The following OS9 variants were observed in gnomAD, a reference collection of about 807,000 sequenced individuals.
The protein encoded by OS9 is OS9 endoplasmic reticulum lectin.
In OS9, 58 loss-of-function variants were observed where a neutral mutation model predicts 84.7. The ratio of observed to expected loss-of-function variants is 0.68; its 90% CI spans 0.55 to 0.85. The LOEUF is 0.85. Ranked by LOEUF, OS9 falls within the 40% of genes least tolerant of loss-of-function variation. The pLI is 0.00. For synonymous variants in OS9, 278 were observed against 320.8 expected (o/e 0.87, Z 1.43); for missense variants, 760 against 850.9 (o/e 0.89, Z 1.33).
In OS9 at chr12:57,715,947, T is replaced by C. The variant is rs765694952; in HGVS notation, c.767T>C (p.Met256Thr). The C allele has an allele frequency of 6.2e-7, 1 of 1,612,560 alleles. No individual in the cohort carries two copies. The highest frequency in any genetic ancestry group is 2.2e-5 in the East Asian group (1 of 44,866). ...CCTTCCCTACAGCCTGAGGAGTACA[T>C]GGCCTACGTTCAGAGGCAAGCCGGT... is the stretch of plus-strand genomic sequence containing the variant. ...CHPSLQPEEYMAYVQRQADSK... is the reference protein window; with the variant it reads ...CHPSLQPEEYTAYVQRQADSK... The change falls in exon 6 of 15, where the codon ATG (methionine) becomes ACG (threonine). Residue 256 changes from methionine to threonine, a missense_variant. Met to Thr is a moderately conservative substitution (Grantham distance 81). Coordinates refer to ENST00000315970, the MANE Select transcript of OS9 (RefSeq NM_006812.4).
intron 5 of OS9, among the ~76,000 whole-genome samples, chr12:57,709,868 T>TG (rs1954276996): frequency 6.6e-6 from 1 of 152,146 alleles, no homozygotes; most frequent in Non-Finnish European, 1.5e-5. Context: ...TTACTTTTTT[T>TG]TTGAGACAGA....
intron 5 of OS9, among the ~76,000 whole-genome samples, chr12:57,697,913 ACACACACACAT>A (rs1953902928): frequency 4.0e-5 from 5 of 124,438 alleles, no homozygotes; most frequent in African/African-American, 9.7e-5. Context: ...AAGCAAACAC[ACACACACACAT>A]ACACACACAC....
intron 5 of OS9, among the ~76,000 whole-genome samples, chr12:57,705,069 G>A (rs1027920802): frequency 4.6e-5 from 7 of 152,108 alleles, no homozygotes; most frequent in African/African-American, 1.4e-4. Context: ...AAATATATGT[G>A]CATTTTCTTC....
At chr12:57,719,325 G>T in intron 12 of OS9, 143 bp downstream of exon 12, 2 of 667,894 alleles carry the variant, frequency 3.0e-6, no homozygotes, top group Non-Finnish European at 5.1e-6. Context: ...CCTCACTTGC[G>T]CCTGCTTCCC....
At position 57,720,186 on chromosome 12, in the gene OS9, A is replaced by G; in HGVS notation, c.1688A>G (p.Lys563Arg). 1 of 1,614,188 alleles carries G rather than the reference A, an allele frequency of 6.2e-7. No individual in the cohort carries two copies. Among genetic ancestry groups the G allele is most frequent in the Non-Finnish European group, 8.5e-7 (1 of 1,180,026 alleles). Reference protein sequence around the residue: ...PNQDLTVLEMKRENPQLKQIE... With the variant: ...PNQDLTVLEMRRENPQLKQIE... The stretch of plus-strand genomic sequence containing the variant: ...CAGGATCTGACTGTCCTCGAGATGA[A>G]ACGGGAAAACCCACAGCTGAAACAA... The change falls in exon 13 of 15, where the codon AAA becomes AGA. Residue 563 changes from lysine to arginine, a missense_variant. Coordinates refer to ENST00000315970, the MANE Select transcript of OS9 (RefSeq NM_006812.4).
chr12:57,697,172 C>T (rs1045279104), intron 5 of OS9, among the ~76,000 whole-genome samples: 1 of 152,136 alleles, frequency 6.6e-6, no homozygotes, highest in African/African-American at 2.4e-5. Context: ...GGAGGGAAGC[C>T]CTGATCTGTA....
chr12:57,707,324 G>A (rs889999499), intron 5 of OS9, among the ~76,000 whole-genome samples: 1 of 152,166 alleles, frequency 6.6e-6, no homozygotes, highest in African/African-American at 2.4e-5. Flanking sequence ...AAAGAAAAGA[G>A]GTTTAATTGT....
intron 5 of OS9, among the ~76,000 whole-genome samples, chr12:57,703,982 C>G (rs558477157): frequency 6.6e-6 from 1 of 151,596 alleles, no homozygotes; most frequent in Non-Finnish European, 1.5e-5. Context: ...TGAAGACATT[C>G]CCTCCTATTC....
intron 5 of OS9, among the ~76,000 whole-genome samples, chr12:57,703,931 C>T (rs992664406): frequency 2.0e-5 from 3 of 152,150 alleles, no homozygotes; most frequent in Non-Finnish European, 2.9e-5. Context: ...TTGAGTATGA[C>T]GTTAACTGTG....
chr12:57,703,924 A>G (rs1224768783), intron 5 of OS9, among the ~76,000 whole-genome samples: 4 of 152,324 alleles, frequency 2.6e-5, no homozygotes, highest in East Asian at 3.9e-4. Flanking sequence ...TTCACCATTG[A>G]GTATGACGTT....
In OS9 at chr12:57,720,272, T is replaced by C; in HGVS notation, c.1765+9T>C. On this transcript the variant is annotated intron_variant, in intron 13 of 14. Coordinates refer to ENST00000315970, the MANE Select transcript of OS9 (RefSeq NM_006812.4). ...GGGACTCACAGCTGCAGGTGGGCCCTGGAGGGCGGCTGGACCCAGTGCTGT... is the reference window on the plus strand; with the variant it reads ...GGGACTCACAGCTGCAGGTGGGCCCCGGAGGGCGGCTGGACCCAGTGCTGT... 6.2e-7 allele frequency: 1 copy of C among 1,613,624 alleles called. No homozygotes were observed. The highest frequency in any genetic ancestry group is 1.3e-5 in the African/African-American group (1 of 75,068).
intron 5 of OS9, among the ~76,000 whole-genome samples, chr12:57,707,225 C>T (rs1364645457): frequency 2.0e-5 from 3 of 152,068 alleles, no homozygotes; most frequent in African/African-American, 7.2e-5. Flanking sequence ...TTTGTTTATC[C>T]TCTCTGTTGT....
chr12:57,697,930 C>CGGAACCTAACATAAGCAA lies in OS9; in HGVS notation c.579+1557_579+1558insGGAACCTAACATAAGCAA, dbSNP rs1565767197. On this transcript the variant is annotated intron_variant, in intron 5 of 14. Coordinates refer to ENST00000315970, the MANE Select transcript of OS9 (RefSeq NM_006812.4). ...GCAAACACACACACACACATACACA[C>CGGAACCTAACATAAGCAA]ACACACACACACACACACACACACA... 7.5e-5 allele frequency among the ~76,000 whole-genome samples: 7 copies of CGGAACCTAACATAAGCAA among 92,810 alleles called. 2 individuals carry two copies. The highest frequency in any genetic ancestry group is 1.2e-4 in the Non-Finnish European group (5 of 42,852). The allele number at this position is 92,810 out of a possible 152,430, so 60.9% of individuals were successfully genotyped here.
intron 5 of OS9, among the ~76,000 whole-genome samples, chr12:57,699,347 A>C (rs1231828707): frequency 6.6e-6 from 1 of 152,228 alleles, no homozygotes; most frequent in Non-Finnish European, 1.5e-5. Context: ...ACTGAAGCCA[A>C]GGTATGGATG....
At position 57,716,721 on chromosome 12, in the gene OS9, A is replaced by G. The variant is rs779112463; in HGVS notation, c.1022A>G (p.Asp341Gly). Residue 341 changes from aspartate to glycine, a missense_variant, in exon 9 of 15, where the codon GAT (aspartate) becomes GGT (glycine). Coordinates refer to ENST00000315970, the MANE Select transcript of OS9 (RefSeq NM_006812.4). The stretch of plus-strand genomic sequence containing the variant: ...CAGGACCCAAGCCCTGAGGCAGCAG[A>G]TTCAGCTTCTGGTGCTCCCAATGGT... ...EEQDPSPEAA[D>G]SASGAPNDFQ... The G allele has an allele frequency of 6.2e-7, 1 of 1,614,066 alleles. No individual in the cohort carries two copies. Among genetic ancestry groups the G allele is most frequent in the South Asian group, 1.1e-5 (1 of 91,076 alleles).
Position 57,716,090 on chromosome 12 carries a change from A to G in OS9, c.791-2A>G, listed in dbSNP as rs372621161. The G allele has an allele frequency of 8.7e-6, 14 of 1,612,474 alleles. No individual in the cohort carries two copies. The highest frequency in any genetic ancestry group is 1.2e-5 in the Non-Finnish European group (14 of 1,178,580). Reference sequence around the variant, plus strand: ...GCCTGCTTGCATGCTGTTTCTCAGTAGACTCAAAGCAGTATGGAGATAAAA... The same window carrying G: ...GCCTGCTTGCATGCTGTTTCTCAGTGGACTCAAAGCAGTATGGAGATAAAA... On this transcript the variant is annotated splice_acceptor_variant, in intron 6 of 14. Coordinates refer to ENST00000315970, the MANE Select transcript of OS9 (RefSeq NM_006812.4). LOFTEE classifies it high-confidence loss of function.
At chr12:57,718,547 C>G (rs1676244487) in intron 11 of OS9, 126 bp downstream of exon 11, 1 of 986,386 alleles carries the variant, frequency 1.0e-6, no homozygotes, top group Non-Finnish European at 1.5e-6. Context: ...GAAGTGGTAG[C>G]TGTTTCCCTA....
chr12:57,702,451 GTA>G (rs536940518), intron 5 of OS9, among the ~76,000 whole-genome samples: 263 of 152,256 alleles, frequency 1.7e-3, no homozygotes, highest in African/African-American at 5.8e-3. Context: ...TCCATTGTCT[GTA>G]TATACATTTT....
At chr12:57,720,660 A>T in intron 14 of OS9, 124 bp from the exon 15 acceptor site, 1 of 1,322,088 alleles carries the variant, frequency 7.6e-7, no homozygotes, top group Non-Finnish European at 1.1e-6. Context: ...GAGTGCTGCC[A>T]TGCAGGAAGA....
Sources: allele counts gnomAD v4.1 joint callset (sites outside exome capture counted in the v4.1 genomes callset), GRCh38; gene constraint gnomAD v4.1.1; transcripts MANE v1.5; gene names NCBI Gene and HGNC (gene_info 2026-07-23, HGNC 2026-07-21).